The following SPTBN4 variants were observed in gnomAD, a reference collection of about 807,000 sequenced individuals.
SPTBN4 encodes spectrin beta chain, non-erythrocytic 4.
In SPTBN4, 96 loss-of-function variants were observed where a neutral mutation model predicts 277.8. The observed-to-expected ratio is 0.35, with a 90% CI of 0.29 to 0.41. The LOEUF is 0.41. SPTBN4 is among the 10% of genes least tolerant of loss of function. The probability of loss-of-function intolerance (pLI) is 1.00; values close to 1 mark genes in which losing one functional copy is unlikely to be tolerated. For missense variants in SPTBN4, 3,006 were observed against 3,595.7 expected, an observed-to-expected ratio of 0.84 and a Z score of 4.19; for synonymous variants, 1,481 against 1,580.3, an observed-to-expected ratio of 0.94 and a Z score of 1.49.
At position 40,513,070 on chromosome 19, in the gene SPTBN4, G is replaced by A; in HGVS notation, c.2281G>A (p.Ala761Thr). The A allele has an allele frequency of 7.1e-7, 1 of 1,410,448 alleles. No homozygotes were observed. Among genetic ancestry groups the A allele is most frequent in the South Asian group, 1.5e-5 (1 of 67,356 alleles). The allele number at this position is 1,410,448 out of a possible 1,614,324, so 87.4% of individuals were successfully genotyped here. ...ARRRWQRLEE[A>T]AARRERRLQE... ...GCGCCGCTGGCAGAGGCTGGAAGAG[G>A]CGGCGGCGCGGCGAGAGCGGCGGCT... The change falls in exon 14 of 36, where the codon GCG (alanine) becomes ACG (threonine). Residue 761 changes from alanine (A) to threonine (T), a missense_variant. By Grantham distance (58) the Ala-to-Thr change is moderately conservative. This residue lies in a region of SPTBN4 where 1,759 missense variants were observed against 2,061.5 expected (regional missense o/e 0.85). Transcript: ENST00000598249.
At chr19:40,550,118 A>T in intron 21 of SPTBN4, 120 bp from the exon 22 acceptor site, 1 of 721,424 alleles carries the variant, frequency 1.4e-6, no homozygotes, top group African/African-American at 1.8e-5. Context: ...GAGGCTGAAT[A>T]TTCAACTGGG....
chr19:40,479,351 A>C (rs994001279), intron 2 of SPTBN4, among the ~76,000 whole-genome samples: 2 of 151,878 alleles, frequency 1.3e-5, no homozygotes, highest in Non-Finnish European at 2.9e-5. Context: ...TCTCCTACTC[A>C]CCCTCCACAG....
intron 16 of SPTBN4, among the ~76,000 whole-genome samples, chr19:40,523,063 G>T (rs1386110243): frequency 6.6e-6 from 1 of 152,206 alleles, no homozygotes; most frequent in Non-Finnish European, 1.5e-5. Flanking sequence ...GAACCCAGGA[G>T]GTGGAGGTTG....
chr19:40,530,035 C>T (rs1186899236), intron 18 of SPTBN4, among the ~76,000 whole-genome samples: 1 of 152,094 alleles, frequency 6.6e-6, no homozygotes, highest in Non-Finnish European at 1.5e-5. Flanking sequence ...TGGGGTAGGC[C>T]GGGACTTGAG....
At position 40,467,300 on chromosome 19, in the gene SPTBN4, G is replaced by C. The variant is rs1365282942; in HGVS notation, c.-21G>C. On this transcript the variant is annotated 5_prime_UTR_variant, in exon 1 of 36. Transcript: ENST00000598249. ...GAGACAGCGACGCTGGCGGCCGCGG[G>C]CCCAGGTGAGCTGCTAGGGGGGCCG... The C allele has an allele frequency of 6.6e-5, 10 of 152,450 alleles. No individual in the cohort carries two copies. Among genetic ancestry groups the C allele is most frequent in the Non-Finnish European group, 8.8e-5 (6 of 68,068 alleles). 9.4% of individuals were successfully genotyped at this position (152,450 alleles called of 1,614,324 possible). A position where few individuals can be genotyped will look rare whatever the true frequency, so the allele number is the denominator to read the frequency against.
chr19:40,554,175 G>C lies in SPTBN4; in HGVS notation c.4703G>C (p.Gly1568Ala), dbSNP rs1335183281. The C allele has an allele frequency of 1.4e-6, 2 of 1,451,264 alleles. No homozygotes were observed. Among genetic ancestry groups the C allele is most frequent in the Non-Finnish European group, 9.0e-7 (1 of 1,116,998 alleles). The allele number at this position is 1,451,264 out of a possible 1,614,324, so 89.9% of individuals were successfully genotyped here. ...CTGCGGCGGGAGATCCAGGCGCATG[G>C]GCCGCGCCTGGAGGAGGTGCTGGAG... The part of the protein sequence containing the change: ...QGLRREIQAH[G>A]PRLEEVLERA... The change falls in exon 23 of 36, where the codon GGG becomes GCG. Residue 1568 changes from glycine to alanine, a missense_variant. By Grantham distance (60) the Gly-to-Ala change is moderately conservative. Around this residue, in one of 5 missense-constraint regions of SPTBN4, gnomAD observed 1,759 missense variants for 2,061.5 expected, o/e 0.85. Coordinates refer to ENST00000598249, the MANE Select transcript of SPTBN4 (RefSeq NM_020971.3). The surrounding 1 kb of genome is among the most constrained non-coding windows in gnomAD (Gnocchi z 5.7).
chr19:40,558,765 A>G (rs2081010843), intron 26 of SPTBN4, among the ~76,000 whole-genome samples: 1 of 151,244 alleles, frequency 6.6e-6, no homozygotes, highest in African/African-American at 2.4e-5. Flanking sequence ...GCGCCACCAC[A>G]CCTGGCTAAT....
chr19:40,549,638 AGTTT>A (rs1186037064), intron 21 of SPTBN4, among the ~76,000 whole-genome samples: 1 of 152,140 alleles, frequency 6.6e-6, no homozygotes, highest in Admixed American at 6.5e-5. Flanking sequence ...ACTCATCCAT[AGTTT>A]GTTCTTTCCT....
In SPTBN4 at chr19:40,515,466, T is replaced by C; in HGVS notation, c.2903+18T>C. 6.5e-7 allele frequency: 1 copy of C among 1,542,302 alleles called. No individual in the cohort carries two copies. The highest frequency in any genetic ancestry group is 2.5e-5 in the East Asian group (1 of 40,486). On this transcript the variant is annotated intron_variant, in intron 15 of 35. Transcript: ENST00000598249. The surrounding 1 kb of genome is among the most constrained non-coding windows in gnomAD (Gnocchi z 4.1). Reference sequence around the variant, plus strand: ...AACAGCAGGTAGGAGGGCCTGGGGCTGGGAGTCCCTCCCATCCTTCCCTTC... The same window carrying C: ...AACAGCAGGTAGGAGGGCCTGGGGCCGGGAGTCCCTCCCATCCTTCCCTTC...
chr19:40,568,341 A>G, intron 31 of SPTBN4, 59 bp downstream of exon 31: 8 of 1,512,294 alleles, frequency 5.3e-6, no homozygotes, highest in Non-Finnish European at 7.1e-6. Context: ...GAGCTCCTAG[A>G]ACCCCTCAGG....
chr19:40,510,666 G>A (rs1181878765), intron 13 of SPTBN4, among the ~76,000 whole-genome samples: 2 of 152,264 alleles, frequency 1.3e-5, no homozygotes, highest in African/African-American at 2.4e-5. Flanking sequence ...CAACATCAGC[G>A]AATGTCCAGA....
rs375803606 is a variant in SPTBN4, at chr19:40,500,516, G to T, written c.785-1405G>T. Among the ~76,000 whole-genome samples the T allele has an allele frequency of 3.3e-5, 5 of 152,172 alleles. No homozygotes were observed. In the East Asian group the frequency reaches 9.6e-4, roughly 29 times the overall value. Reference sequence around the variant, plus strand: ...CTGGGTAAGACAGAACAGTGATAAAGAAGATAGGCATACGGCTGGGCCCAC... The same window carrying T: ...CTGGGTAAGACAGAACAGTGATAAATAAGATAGGCATACGGCTGGGCCCAC... On this transcript the variant is annotated intron_variant, in intron 7 of 35. Transcript: ENST00000598249.
At chr19:40,572,539 G>A (rs1314555032) in intron 35 of SPTBN4, 159 bp downstream of exon 35, 11 of 887,958 alleles carry the variant, frequency 1.2e-5, no homozygotes, top group Non-Finnish European at 1.8e-5. Context: ...GCCCAAAGGA[G>A]GTTCCTAACC....
chr19:40,543,186 C>T (rs548016185), intron 20 of SPTBN4, among the ~76,000 whole-genome samples: 2 of 152,174 alleles, frequency 1.3e-5, no homozygotes, highest in African/African-American at 2.4e-5. Context: ...CACAGTGGCT[C>T]ACACCTGTAA....
chr19:40,477,909 G>T (rs1213633455), intron 2 of SPTBN4, among the ~76,000 whole-genome samples: 1 of 152,086 alleles, frequency 6.6e-6, no homozygotes, highest in Non-Finnish European at 1.5e-5. Flanking sequence ...CGCAGTCTCG[G>T]CTCACTGCAA....
rs1386411318 is a variant in SPTBN4 at position 40,554,794 on chromosome 19, G to A, written c.5084+148G>A. On this transcript the variant is annotated intron_variant, in intron 24 of 35. Transcript: ENST00000598249. This position sits in a 1 kb window ranked among gnomAD's most constrained non-coding sequence, Gnocchi z 5.7. ...GAGCCCTCGAATTTGGCAAGTGGGC[G>A]GGCCGGAATGGGGGGACACGGCTCA... The A allele has an allele frequency of 2.4e-6, 3 of 1,236,864 alleles. No homozygotes were observed. Among genetic ancestry groups the A allele is most frequent in the South Asian group, 2.7e-5 (2 of 73,520 alleles). The allele number at this position is 1,236,864 out of a possible 1,614,324, so 76.6% of individuals were successfully genotyped here.
chr19:40,471,247 C>A (rs932442533), intron 1 of SPTBN4, among the ~76,000 whole-genome samples: 3 of 152,046 alleles, frequency 2.0e-5, no homozygotes, highest in African/African-American at 7.2e-5. Context: ...GCGCCTGGCC[C>A]TATCATCTAT....
At chr19:40,489,517 C>G (rs1208397129) in intron 3 of SPTBN4, among the ~76,000 whole-genome samples, 2 of 152,066 alleles carry the variant, frequency 1.3e-5, no homozygotes, top group Non-Finnish European at 2.9e-5. Context: ...CTCCCGAGTA[C>G]CTAGGATTGC....
chr19:40,487,132 T>A (rs1294662044), intron 2 of SPTBN4, among the ~76,000 whole-genome samples: 1 of 150,524 alleles, frequency 6.6e-6, no homozygotes, highest in African/African-American at 2.5e-5. Context: ...CGCTCCCTGG[T>A]TCAAGCAATT....
Sources: gnomAD v4.1 joint callset for allele counts (sites outside exome capture counted in the v4.1 genomes callset) on GRCh38, gnomAD v4.1.1 for gene constraint, gnomAD v4.1.1 regional missense constraint, Gnocchi (gnomAD v3.1) non-coding constraint, MANE v1.5 for transcripts, NCBI Gene and HGNC (gene_info 2026-07-23, HGNC 2026-07-21) for gene names.